KCTD16: variants seen among roughly 807,000 people sequenced by gnomAD.
The protein encoded by KCTD16 is potassium channel tetramerization domain containing 16.
KCTD16 carries 13 observed loss-of-function variants against 33.2 expected under a neutral mutation model. The observed-to-expected ratio is 0.39, with a 90% CI of 0.25 to 0.62. The LOEUF (loss-of-function observed/expected upper bound fraction) is 0.62, where lower values mean the gene tolerates loss of function less well. Ranked by LOEUF, KCTD16 falls within the 20% of genes least tolerant of loss-of-function variation. The pLI is 0.50. For missense variants in KCTD16, 441 were observed against 525.1 expected (o/e 0.84, Z 1.57); for synonymous variants, 197 against 195.3 (o/e 1.01, Z -0.07).
chr5:144,273,616 CAT>C (rs1329131561), intron 3 of KCTD16, among the ~76,000 whole-genome samples: 1 of 152,084 alleles, frequency 6.6e-6, no homozygotes, highest in African/African-American at 2.4e-5. Context: ...AATTCTGACA[CAT>C]GATACAACAT....
intron 3 of KCTD16, among the ~76,000 whole-genome samples, chr5:144,344,591 A>G (rs1752735052): frequency 6.6e-6 from 1 of 151,484 alleles, no homozygotes; most frequent in Non-Finnish European, 1.5e-5. Flanking sequence ...GCAGCCAAAA[A>G]ACACATGAAA....
chr5:144,240,676 T>C (rs1274393902), intron 3 of KCTD16, among the ~76,000 whole-genome samples: 1 of 152,144 alleles, frequency 6.6e-6, no homozygotes, highest in Non-Finnish European at 1.5e-5. Context: ...CCTTAGTCTC[T>C]CCTCCCATCT....
intron 2 of KCTD16, among the ~76,000 whole-genome samples, chr5:144,175,164 A>G (rs369073672): frequency 1.3e-5 from 2 of 152,220 alleles, no homozygotes; most frequent in Admixed American, 6.5e-5. Flanking sequence ...AGCACTTTGC[A>G]CTTTTTAACT....
At position 144,474,094 on chromosome 5, in the gene KCTD16, T is replaced by C; in HGVS notation, c.1267T>C (p.Leu423=). 1.9e-6 allele frequency: 3 copies of C among 1,612,080 alleles called. No homozygotes were observed. The highest frequency in any genetic ancestry group is 2.5e-6 in the Non-Finnish European group (3 of 1,179,232). ...ERKHPWQSEL[L]RKYHL is the part of the protein sequence containing the mutation. Reference sequence around the variant, plus strand: ...AAAACATCCTTGGCAATCTGAACTTTTAAGGAAGTATCATCTATAAGGGAG... The same window carrying C: ...AAAACATCCTTGGCAATCTGAACTTCTAAGGAAGTATCATCTATAAGGGAG... Residue 423 remains leucine (L), a synonymous_variant, in exon 4 of 4, where the codon TTA becomes CTA. Transcript: ENST00000512467.
chr5:144,298,537 A>G (rs1463743312), intron 3 of KCTD16, among the ~76,000 whole-genome samples: 2 of 152,252 alleles, frequency 1.3e-5, no homozygotes, highest in East Asian at 3.9e-4. Flanking sequence ...ATGAAATAAC[A>G]TTGGTAAGTG....
chr5:144,423,587 A>G (rs550372575), intron 3 of KCTD16, among the ~76,000 whole-genome samples: 42 of 152,284 alleles, frequency 2.8e-4, no homozygotes, highest in South Asian at 2.5e-3. Context: ...ACTACTAAGT[A>G]TCTTACAATG....
At chr5:144,176,783 C>T (rs114933604) in intron 2 of KCTD16, among the ~76,000 whole-genome samples, 4,877 of 152,198 alleles carry the variant, frequency 0.032, 282 homozygotes, top group African/African-American at 0.11. Context: ...TTACTGCAAG[C>T]GTGATATATT....
chr5:144,178,398 A>G (rs1261893759), intron 2 of KCTD16, among the ~76,000 whole-genome samples: 1 of 152,186 alleles, frequency 6.6e-6, no homozygotes, highest in East Asian at 1.9e-4. Flanking sequence ...GACTAATTAT[A>G]ATACTTAACT....
intron 3 of KCTD16, among the ~76,000 whole-genome samples, chr5:144,245,074 TG>T (rs1446167455): frequency 6.6e-6 from 1 of 152,214 alleles, no homozygotes; most frequent in Admixed American, 6.5e-5. Flanking sequence ...CTGTATGTTT[TG>T]TTTATTCCAT....
chr5:144,254,167 T>C (rs562757265), intron 3 of KCTD16, among the ~76,000 whole-genome samples: 1 of 152,096 alleles, frequency 6.6e-6, no homozygotes, highest in Non-Finnish European at 1.5e-5. Flanking sequence ...AGACGGAGTC[T>C]CGCTCTGTCG....
At chr5:144,286,162 C>G (rs1755740057) in intron 3 of KCTD16, among the ~76,000 whole-genome samples, 1 of 151,766 alleles carries the variant, frequency 6.6e-6, no homozygotes, top group Non-Finnish European at 1.5e-5. Context: ...CTTTATGTCC[C>G]CTGCTACTTT....
chr5:144,463,230 T>A (rs1289064189), intron 3 of KCTD16, among the ~76,000 whole-genome samples: 1 of 152,164 alleles, frequency 6.6e-6, no homozygotes, highest in African/African-American at 2.4e-5. Flanking sequence ...ATATAGATAT[T>A]AGTTAAGTGA....
At chr5:144,176,443 C>G (rs1286189090) in intron 2 of KCTD16, among the ~76,000 whole-genome samples, 6 of 142,628 alleles carry the variant, frequency 4.2e-5, no homozygotes, top group Admixed American at 1.5e-4. Context: ...TCGCCCAGGC[C>G]GGACTGCGGA....
intron 3 of KCTD16, among the ~76,000 whole-genome samples, chr5:144,398,497 A>G (rs1752628737): frequency 6.6e-6 from 1 of 152,206 alleles, no homozygotes; most frequent in Non-Finnish European, 1.5e-5. Flanking sequence ...AGAAAAAGTG[A>G]GAATTTTCTT....
At chr5:144,360,894 T>G (rs913850354) in intron 3 of KCTD16, among the ~76,000 whole-genome samples, 4 of 151,944 alleles carry the variant, frequency 2.6e-5, no homozygotes, top group African/African-American at 7.3e-5. Context: ...TTATTTTTTT[T>G]GGAAGTTTTT....
chr5:144,438,884 G>A (rs1024652242), intron 3 of KCTD16, among the ~76,000 whole-genome samples: 4 of 152,122 alleles, frequency 2.6e-5, no homozygotes, highest in Non-Finnish European at 5.9e-5. Flanking sequence ...AAGCCAAAAA[G>A]CCTGTAAGTC....
intron 3 of KCTD16, among the ~76,000 whole-genome samples, chr5:144,444,592 A>G (rs769853326): frequency 1.1e-4 from 17 of 151,980 alleles, no homozygotes; most frequent in Non-Finnish European, 2.1e-4. Context: ...CCCTTTATAC[A>G]TGTGAGTTTT....
intron 3 of KCTD16, among the ~76,000 whole-genome samples, chr5:144,289,948 T>C (rs894353305): frequency 7.2e-5 from 11 of 152,184 alleles, no homozygotes; most frequent in African/African-American, 2.7e-4. Context: ...TAAACATTTA[T>C]TAATAAACAT....
chr5:144,298,190 G>A (rs994989659), intron 3 of KCTD16, among the ~76,000 whole-genome samples: 38 of 152,034 alleles, frequency 2.5e-4, no homozygotes, highest in African/African-American at 8.9e-4. Context: ...TCACCACACG[G>A]CCCAAGATTC....
Sources: gnomAD v4.1 joint callset for allele counts (sites outside exome capture counted in the v4.1 genomes callset) on GRCh38, gnomAD v4.1.1 for gene constraint, MANE v1.5 for transcripts, NCBI Gene and HGNC (gene_info 2026-07-23, HGNC 2026-07-21) for gene names.